Variants in GMDS observed in about 807,000 individuals in gnomAD.
GMDS encodes the protein GDP-mannose 4,6 dehydratase.
In GMDS, 20 loss-of-function variants were observed where a neutral mutation model predicts 49.9. The observed-to-expected ratio is 0.40, with a 90% CI of 0.28 to 0.58. The LOEUF (loss-of-function observed/expected upper bound fraction) is 0.58, where lower values mean the gene tolerates loss of function less well. Ranked by LOEUF, GMDS falls within the 20% of genes least tolerant of loss-of-function variation. The pLI is 0.42. For missense variants in GMDS, 362 were observed against 481.4 expected (o/e 0.75, Z 2.32); for synonymous variants, 177 against 178.6 (o/e 0.99, Z 0.07).
intron 1 of GMDS, among the ~76,000 whole-genome samples, chr6:2,232,988 T>C (rs1781181094): frequency 6.6e-6 from 1 of 152,120 alleles, no homozygotes; most frequent in South Asian, 2.1e-4. Context: ...TGCCAGGGGC[T>C]GGGAAAGGAG....
intron 1 of GMDS, 67 bp downstream of exon 1, chr6:2,245,254 G>A: frequency 9.2e-7 from 1 of 1,083,762 alleles, no homozygotes; most frequent in Non-Finnish European, 1.4e-6. Flanking sequence ...CCCACGAGTA[G>A]CGGCGCGTAG....
intron 8 of GMDS, among the ~76,000 whole-genome samples, chr6:1,741,547 A>G (rs987976264): frequency 6.6e-6 from 1 of 152,094 alleles, no homozygotes; most frequent in Non-Finnish European, 1.5e-5. Flanking sequence ...GTGGTGGTTC[A>G]TGCCTGTAAT....
At chr6:1,656,041 G>A (rs903249156) in intron 9 of GMDS, among the ~76,000 whole-genome samples, 4 of 152,222 alleles carry the variant, frequency 2.6e-5, no homozygotes, top group African/African-American at 4.8e-5. Flanking sequence ...CAGAGAGTGC[G>A]TGGTGGAGCT....
At chr6:1,972,599 T>A (rs1581443580) in intron 4 of GMDS, among the ~76,000 whole-genome samples, 2 of 152,346 alleles carry the variant, frequency 1.3e-5, no homozygotes, top group African/African-American at 2.4e-5. Flanking sequence ...GATTAAAAAA[T>A]TTTAAAATGC....
intron 4 of GMDS, among the ~76,000 whole-genome samples, chr6:2,072,644 G>C (rs962673419): frequency 3.9e-5 from 6 of 152,134 alleles, no homozygotes; most frequent in Non-Finnish European, 8.8e-5. Context: ...TTTAGGACAA[G>C]CAGTAGATCC....
chr6:1,633,544 G>GT (rs1317685561), intron 9 of GMDS, among the ~76,000 whole-genome samples: 1 of 152,148 alleles, frequency 6.6e-6, no homozygotes, highest in Non-Finnish European at 1.5e-5. Context: ...CTTGTTGGAG[G>GT]GCGGGAGGGC....
intron 7 of GMDS, among the ~76,000 whole-genome samples, chr6:1,813,968 A>G (rs1370954125): frequency 6.6e-6 from 1 of 152,234 alleles, no homozygotes; most frequent in Non-Finnish European, 1.5e-5. Context: ...ATGTGAGTAA[A>G]TTTTGAAAAC....
At chr6:1,914,141 T>TG (rs1346518925) in intron 7 of GMDS, among the ~76,000 whole-genome samples, 8 of 146,752 alleles carry the variant, frequency 5.5e-5, no homozygotes, top group African/African-American at 1.5e-4. Flanking sequence ...GTTTTTTTTT[T>TG]TTTTTTTTTT....
intron 1 of GMDS, among the ~76,000 whole-genome samples, chr6:2,203,094 A>C (rs1056153935): frequency 1.1e-4 from 17 of 152,182 alleles, no homozygotes; most frequent in African/African-American, 4.1e-4. Flanking sequence ...GAAGCCTGTT[A>C]ATCAAATTGC....
rs373879067 is a variant in GMDS, at chr6:1,905,912, A to ACCTGTGCATC, written c.771+24190_771+24191insGATGCACAGG. On this transcript the variant is annotated intron_variant, in intron 7 of 10. Coordinates refer to ENST00000380815, the MANE Select transcript of GMDS (RefSeq NM_001500.4). Reference sequence around the variant, plus strand: ...CCCCATAGGCCATCTGGGAACACGTATGCAGGTGTCCCTGAGAAGGAGCGC... The same window carrying ACCTGTGCATC: ...CCCCATAGGCCATCTGGGAACACGTACCTGTGCATCTGCAGGTGTCCCTGAGAAGGAGCGC... Among the ~76,000 whole-genome samples, 17 of 73,506 alleles carry ACCTGTGCATC rather than the reference A, an allele frequency of 2.3e-4. 2 individuals carry two copies. The highest frequency in any genetic ancestry group is 2.6e-4 in the Non-Finnish European group (9 of 34,196). The allele number at this position is 73,506 out of a possible 152,430, so 48.2% of individuals were successfully genotyped here. A position where few individuals can be genotyped will look rare whatever the true frequency, so the allele number is the denominator to read the frequency against.
chr6:1,707,294 T>C (rs1765773659), intron 9 of GMDS, among the ~76,000 whole-genome samples: 1 of 152,214 alleles, frequency 6.6e-6, no homozygotes, highest in African/African-American at 2.4e-5. Flanking sequence ...GAGGTCAAAA[T>C]GTGAGCTGAA....
At chr6:1,825,876 C>T (rs1222303521) in intron 7 of GMDS, among the ~76,000 whole-genome samples, 2 of 152,044 alleles carry the variant, frequency 1.3e-5, no homozygotes, top group Non-Finnish European at 1.5e-5. Context: ...ATTAGCCAGG[C>T]GTGGTGGCAT....
intron 4 of GMDS, among the ~76,000 whole-genome samples, chr6:1,971,549 G>C (rs1318768746): frequency 6.6e-6 from 1 of 152,142 alleles, no homozygotes; most frequent in Non-Finnish European, 1.5e-5. Flanking sequence ...CTAGAGTTTT[G>C]AAATGCTCAA....
At chr6:1,893,371 T>C (rs1462775616) in intron 7 of GMDS, among the ~76,000 whole-genome samples, 1 of 151,874 alleles carries the variant, frequency 6.6e-6, no homozygotes, top group Non-Finnish European at 1.5e-5. Context: ...CTTGTATTTT[T>C]AGTAGAGACA....
At chr6:1,900,805 A>G (rs1760463451) in intron 7 of GMDS, among the ~76,000 whole-genome samples, 1 of 152,222 alleles carries the variant, frequency 6.6e-6, no homozygotes, top group Non-Finnish European at 1.5e-5. Flanking sequence ...CAGAGTAGAC[A>G]ATTTCTAAGT....
At chr6:1,803,245 C>T (rs1770020217) in intron 7 of GMDS, among the ~76,000 whole-genome samples, 1 of 152,106 alleles carries the variant, frequency 6.6e-6, no homozygotes, top group African/African-American at 2.4e-5. Flanking sequence ...TTTCAAAGAA[C>T]AGAAATGTGG....
chr6:1,624,520 G>A lies in GMDS; in HGVS notation c.1008C>T (p.Cys336=). ...PTEVDFLQGD[C]TKAKQKLNWK... is the part of the protein sequence containing the mutation. Reference sequence around the variant, plus strand: ...AGTTCAGCTTCTGTTTCGCTTTGGTGCAGTCGCCCTGCAGAAAGTCCTAGG... The same window carrying A: ...AGTTCAGCTTCTGTTTCGCTTTGGTACAGTCGCCCTGCAGAAAGTCCTAGG... The change falls in exon 10 of 11, where the codon TGC becomes TGT. Residue 336 remains cysteine, a synonymous_variant. Transcript: ENST00000380815. The A allele has an allele frequency of 6.2e-7, 1 of 1,613,794 alleles. No individual in the cohort carries two copies. Among genetic ancestry groups the A allele is most frequent in the Non-Finnish European group, 8.5e-7 (1 of 1,179,716 alleles).
intron 4 of GMDS, among the ~76,000 whole-genome samples, chr6:2,046,736 C>T (rs1463456727): frequency 2.0e-5 from 3 of 152,178 alleles, no homozygotes; most frequent in African/African-American, 7.2e-5. Flanking sequence ...GCTGGGATTA[C>T]AAGCTACAAT....
intron 6 of GMDS, among the ~76,000 whole-genome samples, chr6:1,940,426 T>G: frequency 6.6e-6 from 1 of 152,226 alleles, no homozygotes; most frequent in African/African-American, 2.4e-5. Flanking sequence ...GGGCCCTGCA[T>G]TTTTCCCCTG....
Sources: allele counts gnomAD v4.1 joint callset (sites outside exome capture counted in the v4.1 genomes callset), GRCh38; gene constraint gnomAD v4.1.1; transcripts MANE v1.5; gene names NCBI Gene and HGNC (gene_info 2026-07-23, HGNC 2026-07-21).